Variants in SHQ1 observed in about 807,000 individuals in gnomAD.
SHQ1 encodes SHQ1, H/ACA ribonucleoprotein assembly factor.
Under a neutral mutation model 53.8 loss-of-function variants are expected in SHQ1, and 49 were observed. That is an observed-to-expected ratio of 0.91 (90% CI 0.72 to 1.16). SHQ1 has a LOEUF of 1.16. Ranked by LOEUF, SHQ1 falls within the 50% of genes most tolerant of loss-of-function variation. The pLI, the probability that SHQ1 is intolerant of heterozygous loss-of-function variation, is 0.00. For synonymous variants in SHQ1, 243 were observed against 251.0 expected, an observed-to-expected ratio of 0.97 and a Z score of 0.30; for missense variants, 738 against 683.1, an observed-to-expected ratio of 1.08 and a Z score of -0.90.
intron 3 of SHQ1, among the ~76,000 whole-genome samples, chr3:72,841,728 A>C (rs1190610533): frequency 6.6e-6 from 1 of 152,162 alleles, no homozygotes; most frequent in Non-Finnish European, 1.5e-5. Flanking sequence ...AGGTAAAGAG[A>C]TAGTTTTGGG....
intron 10 of SHQ1, among the ~76,000 whole-genome samples, chr3:72,762,774 G>C (rs949400788): frequency 6.6e-6 from 1 of 151,986 alleles, no homozygotes; most frequent in Non-Finnish European, 1.5e-5. Context: ...TCCTAGGTTA[G>C]AGCAATTCTC....
chr3:72,780,004 G>A (rs1006565929), intron 10 of SHQ1, among the ~76,000 whole-genome samples: 54 of 152,286 alleles, frequency 3.5e-4, no homozygotes, highest in African/African-American at 1.2e-3. Flanking sequence ...GGGAGGCCAA[G>A]GCAGGAGGAC....
chr3:72,822,896 T>A (rs1417506865), intron 6 of SHQ1, among the ~76,000 whole-genome samples: 2 of 152,164 alleles, frequency 1.3e-5, no homozygotes, highest in East Asian at 3.9e-4. Context: ...ACACCTGTAA[T>A]CCCAGCACTT....
At chr3:72,758,069 A>G (rs1460346154) in intron 10 of SHQ1, among the ~76,000 whole-genome samples, 1 of 152,188 alleles carries the variant, frequency 6.6e-6, no homozygotes, top group Non-Finnish European at 1.5e-5. Context: ...TCCTTGGCCC[A>G]AAACACATGT....
chr3:72,745,597 T>A (rs891042749), downstream of SHQ1, among the ~76,000 whole-genome samples: 11 of 152,204 alleles, frequency 7.2e-5, no homozygotes, highest in African/African-American at 2.7e-4. Context: ...TTAACAGGGC[T>A]GACTCATTTT....
Position 72,776,117 on chromosome 3 carries a change from T to C in SHQ1, c.1181+16799A>G, listed in dbSNP as rs936286154. ...ATTACTTGCATTACTACTGCCTATA[T>C]AGAAAACTGGACAGAAATGATACAT... On this transcript the variant is annotated intron_variant, in intron 10 of 10. Coordinates refer to ENST00000325599, the MANE Select transcript of SHQ1 (RefSeq NM_018130.3). Among the ~76,000 whole-genome samples the C allele has an allele frequency of 5.9e-5, 9 of 152,336 alleles. No homozygotes were observed. In the East Asian group the frequency reaches 1.7e-3, roughly 29 times the overall value.
chr3:72,762,652 A>G (rs1575677907), intron 10 of SHQ1, among the ~76,000 whole-genome samples: 1 of 152,160 alleles, frequency 6.6e-6, no homozygotes, highest in Non-Finnish European at 1.5e-5. Flanking sequence ...AACATGACAG[A>G]ATGTACCTGC....
At chr3:72,769,837 G>A (rs1312542617) in intron 10 of SHQ1, among the ~76,000 whole-genome samples, 1 of 152,142 alleles carries the variant, frequency 6.6e-6, no homozygotes, top group Admixed American at 6.5e-5. Context: ...TCTGAAGTCG[G>A]CAAACAACTG....
At chr3:72,832,287 C>T (rs1301702934) in intron 5 of SHQ1, 82 bp downstream of exon 5, 3 of 981,578 alleles carry the variant, frequency 3.1e-6, no homozygotes, top group Non-Finnish European at 1.6e-6. Context: ...ATGCACATCC[C>T]TAGCAGAGTT....
intron 10 of SHQ1, among the ~76,000 whole-genome samples, chr3:72,790,729 AAG>A (rs549682971): frequency 3.5e-4 from 54 of 152,220 alleles, no homozygotes; most frequent in Non-Finnish European, 6.6e-4. Context: ...TTTATTTCAA[AAG>A]AGAGAAAAAA....
chr3:72,824,721 C>T (rs1262345329), intron 5 of SHQ1, among the ~76,000 whole-genome samples, 170 bp from the exon 6 acceptor site: 1 of 151,226 alleles, frequency 6.6e-6, no homozygotes, highest in Non-Finnish European at 1.5e-5. Flanking sequence ...TAACCACAAA[C>T]ATAAGTTATT....
At chr3:72,838,186 G>C (rs1269772636) in intron 4 of SHQ1, among the ~76,000 whole-genome samples, 1 of 152,240 alleles carries the variant, frequency 6.6e-6, no homozygotes, top group Non-Finnish European at 1.5e-5. Flanking sequence ...TTAAAAATCT[G>C]TATCGGTTCA....
chr3:72,828,616 C>A lies in SHQ1; in HGVS notation c.599+3753G>T, dbSNP rs369528587. 2.7e-5 allele frequency among the ~76,000 whole-genome samples: 4 copies of A among 149,554 alleles called. No homozygotes were observed. The South Asian group carries it at 8.3e-4, about 31-fold the overall frequency. ...GGCTGAGGCGGGAGAATGACTTGAA[C>A]CCCGGGAGGCAGAGGCTGTGGTGAG... is the stretch of plus-strand genomic sequence containing the variant. On this transcript the variant is annotated intron_variant, in intron 5 of 10. Transcript: ENST00000325599.
At chr3:72,824,813 T>A (rs1575725816) in intron 5 of SHQ1, among the ~76,000 whole-genome samples, 1 of 151,494 alleles carries the variant, frequency 6.6e-6, no homozygotes, top group African/African-American at 2.4e-5. Flanking sequence ...TAACTTTTTT[T>A]AAAAGAGATG....
At position 72,842,328 on chromosome 3, in the gene SHQ1, G is replaced by A; in HGVS notation, c.283C>T (p.Leu95=). 1 of 1,613,922 alleles carries A rather than the reference G, an allele frequency of 6.2e-7. No homozygotes were observed. The highest frequency in any genetic ancestry group is 8.5e-7 in the Non-Finnish European group (1 of 1,179,878). ...FEGLNMLTAL[L]APRKSRTAKP... is the part of the protein sequence containing the mutation. ...GCTGTCCTGGATTTTCTTGGTGCCA[G>A]AAGAGCAGTTAACATGTTCAGCCCC... is the stretch of plus-strand genomic sequence containing the variant. Residue 95 remains leucine (L), a synonymous_variant, in exon 3 of 11, where the codon CTG becomes TTG. Transcript: ENST00000325599.
At chr3:72,796,493 T>C (rs1706626392) in intron 9 of SHQ1, among the ~76,000 whole-genome samples, 1 of 151,956 alleles carries the variant, frequency 6.6e-6, no homozygotes. Flanking sequence ...CTTCCAGCTA[T>C]CACAAAAAAA....
chr3:72,824,787 C>CT (rs36082106), intron 5 of SHQ1, among the ~76,000 whole-genome samples: 3,063 of 142,746 alleles, frequency 0.021, 89 homozygotes, highest in African/African-American at 0.067. Flanking sequence ...TTGCTGATCT[C>CT]TTTTTTTTTT....
At position 72,808,254 on chromosome 3, in the gene SHQ1, A is replaced by G. The variant is rs1449941901; in HGVS notation, c.1060+4417T>C. On this transcript the variant is annotated intron_variant, in intron 9 of 10. Coordinates refer to ENST00000325599, the MANE Select transcript of SHQ1 (RefSeq NM_018130.3). ...GTACAAAAATAGGGAAGACAGTATC[A>G]TGAATCCCACATACTCATCACCCAG... Among the ~76,000 whole-genome samples the G allele has an allele frequency of 2.6e-5, 4 of 152,228 alleles. No homozygotes were observed. In the East Asian group the frequency reaches 7.7e-4, roughly 29 times the overall value.
chr3:72,831,576 T>C (rs1003877420), intron 5 of SHQ1, among the ~76,000 whole-genome samples: 4 of 152,214 alleles, frequency 2.6e-5, no homozygotes, highest in Admixed American at 6.5e-5. Flanking sequence ...TGTAACAGTT[T>C]GGAAAATCTT....
Sources: gnomAD v4.1 joint callset for allele counts (sites outside exome capture counted in the v4.1 genomes callset) on GRCh38, gnomAD v4.1.1 for gene constraint, MANE v1.5 for transcripts, NCBI Gene and HGNC (gene_info 2026-07-23, HGNC 2026-07-21) for gene names.